The following RIMS2 variants were observed in gnomAD, a reference collection of about 807,000 sequenced individuals.
The protein encoded by RIMS2 is regulating synaptic membrane exocytosis 2.
RIMS2 carries 59 observed loss-of-function variants against 174.4 expected under a neutral mutation model. That is an observed-to-expected ratio of 0.34 (90% confidence interval 0.27 to 0.42). The LOEUF is 0.42. Among genes scored for constraint, RIMS2 ranks in the 10% least tolerant of loss-of-function variants. The probability of loss-of-function intolerance (pLI) is 1.00; values close to 1 mark genes in which losing one functional copy is unlikely to be tolerated. For synonymous variants in RIMS2, 606 were observed against 572.5 expected (o/e 1.06, Z -0.84); for missense variants, 1,620 against 1,666.3 (o/e 0.97, Z 0.48).
chr8:104,042,402 A>G (rs535629205), intron 19 of RIMS2, among the ~76,000 whole-genome samples: 1 of 151,786 alleles, frequency 6.6e-6, no homozygotes, highest in Admixed American at 6.6e-5. Flanking sequence ...TAGAAAGATT[A>G]CTTTGGCAGT....
At chr8:103,811,384 C>G (rs1475319334) in intron 3 of RIMS2, among the ~76,000 whole-genome samples, 3 of 152,106 alleles carry the variant, frequency 2.0e-5, no homozygotes, top group African/African-American at 4.8e-5. Context: ...CTATAACTAA[C>G]TCTTGTATTC....
chr8:103,782,487 A>G (rs1162187510), intron 3 of RIMS2, among the ~76,000 whole-genome samples: 1 of 151,650 alleles, frequency 6.6e-6, no homozygotes, highest in Non-Finnish European at 1.5e-5. Context: ...TTTGCAAAAT[A>G]GTAAATCTGT....
At position 104,036,703 on chromosome 8, in the gene RIMS2, C is replaced by T. The variant is rs111443490; in HGVS notation, c.3334+22088C>T. Among the ~76,000 whole-genome samples the T allele has an allele frequency of 4.2e-4, 64 of 151,592 alleles. 1 individual carries two copies. Among genetic ancestry groups the T allele is most frequent in the African/African-American group, 1.4e-3 (60 of 41,388 alleles). ...ACCAGACTGACCAACATGGTGAAAC[C>T]CTGTCTCTACTAAAAATACAAAAGT... On this transcript the variant is annotated intron_variant, in intron 19 of 23. Coordinates refer to ENST00000504942, the Ensembl canonical transcript of RIMS2.
chr8:103,662,365 T>G (rs1249920505), intron 1 of RIMS2, among the ~76,000 whole-genome samples: 1 of 152,200 alleles, frequency 6.6e-6, no homozygotes, highest in Non-Finnish European at 1.5e-5. Context: ...GCAATTAAAT[T>G]TACACAAATT....
chr8:103,675,071 C>G (rs776031351), intron 1 of RIMS2, among the ~76,000 whole-genome samples: 19 of 152,062 alleles, frequency 1.2e-4, no homozygotes, highest in Admixed American at 1.2e-3. Context: ...CCACCATGGC[C>G]GGCTAATTTT....
In RIMS2 at chr8:103,942,874, A is replaced by G. The variant is rs891830282; in HGVS notation, c.2649A>G (p.Pro883=). The G allele has an allele frequency of 6.2e-6, 10 of 1,613,580 alleles. No individual in the cohort carries two copies. The African/African-American group carries it at 6.7e-5, about 11-fold the overall frequency. Residue 883 remains proline (P), a synonymous_variant, in exon 14 of 24, where the codon CCA becomes CCG. Coordinates refer to ENST00000504942, the Ensembl canonical transcript of RIMS2. The stretch of plus-strand genomic sequence containing the variant: ...CATTGCCACTTCCCCACCCTTCTCC[A>G]TATATGCCACGAAGACAGCTCCATG...
chr8:103,898,392 G>A (rs1409529283), intron 4 of RIMS2, among the ~76,000 whole-genome samples: 2 of 151,504 alleles, frequency 1.3e-5, no homozygotes, highest in Non-Finnish European at 2.9e-5. Context: ...CTTCTTGATA[G>A]GAATGGAAAA....
intron 1 of RIMS2, among the ~76,000 whole-genome samples, chr8:103,519,280 A>G (rs958156870): frequency 6.6e-6 from 1 of 152,130 alleles, no homozygotes; most frequent in Non-Finnish European, 1.5e-5. Context: ...TTCAGACAAC[A>G]TTAAAGACAT....
At chr8:103,605,448 G>A (rs932886797) in intron 1 of RIMS2, among the ~76,000 whole-genome samples, 129 of 147,242 alleles carry the variant, frequency 8.8e-4, no homozygotes, top group Admixed American at 1.9e-3. Flanking sequence ...CAAGGGTATT[G>A]GTCTAAAATT....
intron 1 of RIMS2, among the ~76,000 whole-genome samples, chr8:103,575,857 A>T (rs1440245275): frequency 6.6e-6 from 1 of 152,118 alleles, no homozygotes; most frequent in Non-Finnish European, 1.5e-5. Context: ...GGCACCAGAT[A>T]TGCCTAAAGT....
chr8:103,949,340 G>A (rs1466391085), intron 14 of RIMS2, among the ~76,000 whole-genome samples: 1 of 152,086 alleles, frequency 6.6e-6, no homozygotes, highest in African/African-American at 2.4e-5. Flanking sequence ...CTACAAGTCA[G>A]AAAACACCTT....
intron 19 of RIMS2, among the ~76,000 whole-genome samples, chr8:104,097,831 C>T (rs545105140): frequency 2.6e-5 from 4 of 152,220 alleles, no homozygotes; most frequent in Admixed American, 6.5e-5. Flanking sequence ...AAAGTAATTG[C>T]GGCTTTTGCC....
At chr8:103,698,990 T>A (rs1045582809) in intron 2 of RIMS2, among the ~76,000 whole-genome samples, 1 of 152,156 alleles carries the variant, frequency 6.6e-6, no homozygotes, top group Non-Finnish European at 1.5e-5. Context: ...CAATTTTATT[T>A]GTTGGGAAGG....
At chr8:103,589,326 A>C (rs1280394223) in intron 1 of RIMS2, among the ~76,000 whole-genome samples, 1 of 20,240 alleles carries the variant, frequency 4.9e-5, no homozygotes, top group East Asian at 1.5e-3. Context: ...GCATATGAAA[A>C]AGTGCTCTAT....
intron 1 of RIMS2, among the ~76,000 whole-genome samples, chr8:103,529,639 C>T (rs1321101814): frequency 6.6e-6 from 1 of 152,324 alleles, no homozygotes; most frequent in Admixed American, 6.5e-5. Context: ...CGGTCCTGCA[C>T]CCACTGTCCG....
chr8:103,601,868 T>C (rs1034516157), intron 1 of RIMS2, among the ~76,000 whole-genome samples: 1 of 152,220 alleles, frequency 6.6e-6, no homozygotes, highest in African/African-American at 2.4e-5. Flanking sequence ...TTATAACCTA[T>C]TATTTTAAAC....
chr8:104,232,979 A>G (rs966623465), intron 19 of RIMS2, among the ~76,000 whole-genome samples: 13 of 152,284 alleles, frequency 8.5e-5, no homozygotes, highest in African/African-American at 3.1e-4. Context: ...GGTAAGAAAA[A>G]AAAAACTAAG....
Position 103,912,973 on chromosome 8 carries a change from T to TG in RIMS2, c.1812+801_1812+802insG. 2.1e-5 allele frequency among the ~76,000 whole-genome samples: 3 copies of TG among 143,170 alleles called. No homozygotes were observed. The South Asian group carries it at 6.9e-4, about 33-fold the overall frequency. 93.9% of individuals were successfully genotyped at this position (143,170 alleles called of 152,430 possible). ...TCTCTAGCAAACTTTTTTTGTTGTT[T>TG]TTTTTTTTTTTTTTTTTGAGATGGA... On this transcript the variant is annotated intron_variant, in intron 6 of 23. Coordinates refer to ENST00000504942, the Ensembl canonical transcript of RIMS2.
chr8:104,127,141 C>G (rs1023008149), intron 19 of RIMS2, among the ~76,000 whole-genome samples: 5 of 152,118 alleles, frequency 3.3e-5, no homozygotes, highest in African/African-American at 1.2e-4. Flanking sequence ...TATTAACTCT[C>G]TAGAATATTC....
Sources: gnomAD v4.1 joint callset for allele counts (sites outside exome capture counted in the v4.1 genomes callset) on GRCh38, gnomAD v4.1.1 for gene constraint, MANE v1.5 for transcripts, NCBI Gene and HGNC (gene_info 2026-07-23, HGNC 2026-07-21) for gene names.